Variants in CNTNAP5 observed in about 807,000 individuals in gnomAD.
The protein encoded by CNTNAP5 is contactin-associated protein-like 5.
In CNTNAP5, 72 loss-of-function variants were observed where a neutral mutation model predicts 150.2. The ratio of observed to expected loss-of-function variants is 0.48; its 90% CI spans 0.40 to 0.58. CNTNAP5 has a LOEUF of 0.58. Ranked by LOEUF, CNTNAP5 falls within the 20% of genes least tolerant of loss-of-function variation. The pLI, the probability that CNTNAP5 is intolerant of heterozygous loss-of-function variation, is 0.00. For synonymous variants in CNTNAP5, 672 were observed against 619.8 expected (o/e 1.08, Z -1.25); for missense variants, 1,636 against 1,626.2 (o/e 1.01, Z -0.10).
At chr2:124,756,217 A>C (rs1300262368) in intron 14 of CNTNAP5, among the ~76,000 whole-genome samples, 1 of 152,230 alleles carries the variant, frequency 6.6e-6, no homozygotes, top group Admixed American at 6.5e-5. Context: ...CCACAATGAG[A>C]TACCATCTTA....
At chr2:124,761,483 A>G (rs1680954747) in intron 14 of CNTNAP5, among the ~76,000 whole-genome samples, 1 of 152,118 alleles carries the variant, frequency 6.6e-6, no homozygotes, top group African/African-American at 2.4e-5. Context: ...AAATTTTTAC[A>G]TTAAGATTCT....
chr2:124,522,850 C>T (rs778781403), intron 8 of CNTNAP5, among the ~76,000 whole-genome samples: 3 of 152,188 alleles, frequency 2.0e-5, no homozygotes, highest in Admixed American at 6.5e-5. Context: ...TCACTTTCCA[C>T]GACTCCCCTT....
chr2:124,674,787 C>G (rs187402299), intron 13 of CNTNAP5, among the ~76,000 whole-genome samples: 3 of 150,824 alleles, frequency 2.0e-5, no homozygotes, highest in African/African-American at 7.4e-5. Context: ...TTATTTGTAA[C>G]CTTTTCAAGT....
intron 17 of CNTNAP5, among the ~76,000 whole-genome samples, chr2:124,781,893 AC>A (rs1166596732): frequency 6.6e-6 from 1 of 152,176 alleles, no homozygotes; most frequent in Non-Finnish European, 1.5e-5. Flanking sequence ...GGTGGGGGTT[AC>A]TGTCAGGATG....
At position 124,918,424 on chromosome 2, in the gene CNTNAP5, C is replaced by G. The variant is rs914834595; in HGVS notation, c.*4136C>G. Among the ~76,000 whole-genome samples the G allele has an allele frequency of 6.6e-6, 1 of 152,008 alleles. No individual in the cohort carries two copies. Among genetic ancestry groups the G allele is most frequent in the Non-Finnish European group, 1.5e-5 (1 of 67,990 alleles). On this transcript the variant is annotated 3_prime_UTR_variant, in exon 24 of 24. Transcript: ENST00000682447. ...ATTTATGTGAGGTCTCACCTCTGAG[C>G]CTGAGTGAGTGTTTCCTGTCTTGAA...
intron 13 of CNTNAP5, among the ~76,000 whole-genome samples, chr2:124,713,746 C>A (rs1679888679): frequency 6.6e-6 from 1 of 152,104 alleles, no homozygotes; most frequent in Non-Finnish European, 1.5e-5. Context: ...CATACTGCTA[C>A]CAGAAGGTCC....
At position 124,647,660 on chromosome 2, in the gene CNTNAP5, T is replaced by A. The variant is rs573241007; in HGVS notation, c.1877-98T>A. Reference sequence around the variant, plus strand: ...TCTCCATACGGTACCGGAGTGTTGATTAATGTTGCACGCTGAGTGGCCCAT... The same window carrying A: ...TCTCCATACGGTACCGGAGTGTTGAATAATGTTGCACGCTGAGTGGCCCAT... On this transcript the variant is annotated intron_variant, in intron 12 of 23. Transcript: ENST00000682447. 1.1e-5 allele frequency: 12 copies of A among 1,113,744 alleles called. No individual in the cohort carries two copies. In the African/African-American group the frequency reaches 1.7e-4, roughly 16 times the overall value. 69.0% of individuals were successfully genotyped at this position (1,113,744 alleles called of 1,614,324 possible).
intron 6 of CNTNAP5, among the ~76,000 whole-genome samples, chr2:124,451,407 A>G (rs1692979325): frequency 1.3e-5 from 2 of 152,038 alleles, no homozygotes; most frequent in South Asian, 4.1e-4. Context: ...TGGAACTAAG[A>G]TATATAAAAA....
chr2:124,784,597 T>A (rs893997720), intron 17 of CNTNAP5, among the ~76,000 whole-genome samples: 1 of 152,132 alleles, frequency 6.6e-6, no homozygotes, highest in Non-Finnish European at 1.5e-5. Flanking sequence ...TGATAGAGAA[T>A]CCCAGAGAAT....
intron 6 of CNTNAP5, among the ~76,000 whole-genome samples, chr2:124,464,370 G>T (rs557412404): frequency 2.2e-3 from 335 of 152,116 alleles, no homozygotes; most frequent in African/African-American, 7.7e-3. Flanking sequence ...ATTTTTTGCA[G>T]AAAAAAGAAG....
At chr2:124,171,632 G>A (rs777384007) in intron 1 of CNTNAP5, among the ~76,000 whole-genome samples, 21 of 152,142 alleles carry the variant, frequency 1.4e-4, no homozygotes, top group Non-Finnish European at 2.2e-4. Context: ...GTTGGGAATT[G>A]ACTATTTCCT....
intron 10 of CNTNAP5, among the ~76,000 whole-genome samples, chr2:124,543,482 C>T (rs1013208772): frequency 6.6e-6 from 1 of 152,076 alleles, no homozygotes; most frequent in Non-Finnish European, 1.5e-5. Context: ...GTAGTGAACG[C>T]TTGTAAAGTT....
intron 13 of CNTNAP5, among the ~76,000 whole-genome samples, chr2:124,727,783 G>T (rs763456259): frequency 1.3e-5 from 2 of 151,756 alleles, no homozygotes; most frequent in Non-Finnish European, 2.9e-5. Context: ...TTCCATTTTG[G>T]ATGTTTTTAT....
intron 3 of CNTNAP5, among the ~76,000 whole-genome samples, chr2:124,336,618 C>T (rs1175953694): frequency 2.0e-5 from 3 of 146,852 alleles, no homozygotes; most frequent in Non-Finnish European, 3.0e-5. Context: ...AGTGAGAACA[C>T]GCAGTGTTTG....
At chr2:124,165,534 G>C (rs572011374) in intron 1 of CNTNAP5, among the ~76,000 whole-genome samples, 1 of 152,164 alleles carries the variant, frequency 6.6e-6, no homozygotes, top group South Asian at 2.1e-4. Context: ...TGCCTGGCAC[G>C]CACTTTATGT....
At chr2:124,072,302 C>T (rs1034578120) in intron 1 of CNTNAP5, among the ~76,000 whole-genome samples, 1 of 151,864 alleles carries the variant, frequency 6.6e-6, no homozygotes, top group South Asian at 2.1e-4. Flanking sequence ...GAAGCCTTTC[C>T]TCTAAGATGT....
chr2:124,866,770 C>A (rs1428167552), intron 20 of CNTNAP5, among the ~76,000 whole-genome samples: 1 of 152,098 alleles, frequency 6.6e-6, no homozygotes, highest in East Asian at 1.9e-4. Flanking sequence ...TCAGCAAGCC[C>A]TTGCATCTGC....
At chr2:124,172,759 C>G (rs929997250) in intron 1 of CNTNAP5, among the ~76,000 whole-genome samples, 7 of 99,264 alleles carry the variant, frequency 7.1e-5, no homozygotes, top group Admixed American at 3.5e-4. Context: ...CTTGCTCTCT[C>G]TCTGGCTCTC....
At chr2:124,291,044 G>GC (rs1175205432) in intron 3 of CNTNAP5, among the ~76,000 whole-genome samples, 2 of 152,040 alleles carry the variant, frequency 1.3e-5, no homozygotes, top group Non-Finnish European at 2.9e-5. Context: ...ATGCAACTGA[G>GC]CAGAGATATA....
Sources: gnomAD v4.1 joint callset for allele counts (sites outside exome capture counted in the v4.1 genomes callset) on GRCh38, gnomAD v4.1.1 for gene constraint, MANE v1.5 for transcripts, NCBI Gene and HGNC (gene_info 2026-07-23, HGNC 2026-07-21) for gene names.